The following CCDC50 variants were observed in gnomAD, a reference collection of about 807,000 sequenced individuals.
CCDC50 encodes coiled-coil domain containing 50, also known as coiled-coil domain-containing protein 50.
CCDC50 carries 54 observed loss-of-function variants against 70.2 expected under a neutral mutation model. The ratio of observed to expected loss-of-function variants is 0.77; its 90% CI spans 0.62 to 0.96. The LOEUF (loss-of-function observed/expected upper bound fraction) is 0.96, where lower values mean the gene tolerates loss of function less well. Ranked by LOEUF, CCDC50 falls within the 50% of genes least tolerant of loss-of-function variation. The pLI is 0.00. For missense variants in CCDC50, 558 were observed against 578.7 expected (o/e 0.96, Z 0.37); for synonymous variants, 216 against 198.8 (o/e 1.09, Z -0.73).
Position 191,393,914 on chromosome 3 carries a change from A to T in CCDC50, c.*2154A>T, listed in dbSNP as rs1713777063. On this transcript the variant is annotated 3_prime_UTR_variant, in exon 12 of 12. Coordinates refer to ENST00000392455, the MANE Select transcript of CCDC50 (RefSeq NM_178335.3). The stretch of plus-strand genomic sequence containing the variant: ...TTTTATTTGATAACTAGGCAAAATC[A>T]TTTGCCATTTTTTATTTCATAAATA... 1 of 152,188 alleles carries T rather than the reference A, an allele frequency of 6.6e-6. No homozygotes were observed. The highest frequency in any genetic ancestry group is 1.5e-5 in the Non-Finnish European group (1 of 68,038). 9.4% of individuals were successfully genotyped at this position (152,188 alleles called of 1,614,324 possible).
chr3:191,389,039 A>G (rs902254677), intron 10 of CCDC50, among the ~76,000 whole-genome samples: 1 of 151,798 alleles, frequency 6.6e-6, no homozygotes, highest in African/African-American at 2.4e-5. Flanking sequence ...TGCTCATGAA[A>G]TTTTGTTTCT....
At chr3:191,343,827 T>C (rs1447673478) in intron 1 of CCDC50, among the ~76,000 whole-genome samples, 1 of 152,254 alleles carries the variant, frequency 6.6e-6, no homozygotes, top group Non-Finnish European at 1.5e-5. Context: ...TCAGTACCAG[T>C]TGTATTTCAA....
chr3:191,375,997 A>C (rs1270452392), intron 6 of CCDC50, among the ~76,000 whole-genome samples: 1 of 151,906 alleles, frequency 6.6e-6, no homozygotes, highest in Non-Finnish European at 1.5e-5. Context: ...TCTAACTAAA[A>C]GGCCGATAGA....
At chr3:191,382,268 A>G (rs546092056) in intron 9 of CCDC50, among the ~76,000 whole-genome samples, 1 of 152,158 alleles carries the variant, frequency 6.6e-6, no homozygotes, top group Admixed American at 6.5e-5. Context: ...TCTCTTGGAA[A>G]AGTTGACTTG....
chr3:191,396,687 AT>A lies in CCDC50; in HGVS notation c.*4930del, dbSNP rs1171306329. On this transcript the variant is annotated 3_prime_UTR_variant, in exon 12 of 12. Coordinates refer to ENST00000392455, the MANE Select transcript of CCDC50 (RefSeq NM_178335.3). ...GGAGAAAACCGAACAAAACAGAGACATTTACTTGAAATGGGAGGTTTGCTAA... is the reference window on the plus strand; with the variant it reads ...GGAGAAAACCGAACAAAACAGAGACATTACTTGAAATGGGAGGTTTGCTAA... The A allele has an allele frequency of 6.6e-6, 1 of 152,348 alleles. No homozygotes were observed. The highest frequency in any genetic ancestry group is 2.4e-5 in the African/African-American group (1 of 41,586). The allele number at this position is 152,348 out of a possible 1,614,324, so 9.4% of individuals were successfully genotyped here.
chr3:191,329,701 C>T lies in CCDC50; in HGVS notation c.27C>T (p.Ser9=). 6.2e-7 allele frequency: 1 copy of T among 1,610,838 alleles called. No individual in the cohort carries two copies. The highest frequency in any genetic ancestry group is 1.3e-5 in the African/African-American group (1 of 74,984). Residue 9 remains serine, a synonymous_variant, in exon 1 of 12, where the codon TCC becomes TCT. Transcript: ENST00000392455. The part of the protein sequence containing the change: MAEVSIDQ[S]KLPGVKEVCR... Reference sequence around the variant, plus strand: ...TGGCTGAAGTCAGCATCGACCAGTCCAAGCTGCCTGGAGTCAAGGAAGGTA... The same window carrying T: ...TGGCTGAAGTCAGCATCGACCAGTCTAAGCTGCCTGGAGTCAAGGAAGGTA...
chr3:191,353,486 T>G (rs573911596), intron 1 of CCDC50, among the ~76,000 whole-genome samples: 1 of 141,014 alleles, frequency 7.1e-6, no homozygotes, highest in South Asian at 2.3e-4. Flanking sequence ...TTATCCTCAG[T>G]AGGCTGTTTA....
At chr3:191,331,919 T>C (rs1718001490) in intron 1 of CCDC50, among the ~76,000 whole-genome samples, 1 of 152,202 alleles carries the variant, frequency 6.6e-6, no homozygotes, top group Non-Finnish European at 1.5e-5. Context: ...AGTAATTAGT[T>C]TAATATTCTG....
rs929213744 is a variant in CCDC50, at chr3:191,335,753, G to C, written c.49+6030G>C. Among the ~76,000 whole-genome samples the C allele has an allele frequency of 5.3e-5, 8 of 152,224 alleles. No homozygotes were observed. The East Asian group carries it at 5.8e-4, about 11-fold the overall frequency. On this transcript the variant is annotated intron_variant, in intron 1 of 11. Coordinates refer to ENST00000392455, the MANE Select transcript of CCDC50 (RefSeq NM_178335.3). Reference sequence around the variant, plus strand: ...TATTACCGGTCTTGTTTATTTATCAGTGGTTCTTTCCTTTTTCTTTGTCGT... The same window carrying C: ...TATTACCGGTCTTGTTTATTTATCACTGGTTCTTTCCTTTTTCTTTGTCGT...
chr3:191,331,039 A>G (rs943507250), intron 1 of CCDC50, among the ~76,000 whole-genome samples: 4 of 152,216 alleles, frequency 2.6e-5, no homozygotes, highest in Non-Finnish European at 2.9e-5. Flanking sequence ...TGTCAAGACT[A>G]AGGAGGCTGA....
chr3:191,337,879 A>G (rs1379908314), intron 1 of CCDC50, among the ~76,000 whole-genome samples: 1 of 151,832 alleles, frequency 6.6e-6, no homozygotes, highest in East Asian at 1.9e-4. Context: ...TATTACAGAT[A>G]TTTGTGTGAA....
chr3:191,355,486 G>A (rs1313817288), intron 1 of CCDC50, among the ~76,000 whole-genome samples: 1 of 152,310 alleles, frequency 6.6e-6, no homozygotes, highest in East Asian at 1.9e-4. Flanking sequence ...GGCCATCATT[G>A]TGTCAGGGAA....
chr3:191,366,488 A>G (rs1002356857), intron 4 of CCDC50, among the ~76,000 whole-genome samples: 1 of 152,156 alleles, frequency 6.6e-6, no homozygotes, highest in Non-Finnish European at 1.5e-5. Flanking sequence ...TTGTTTTTAC[A>G]TATTAGCCCA....
At chr3:191,383,395 T>C (rs990691189) in intron 10 of CCDC50, among the ~76,000 whole-genome samples, 2 of 151,970 alleles carry the variant, frequency 1.3e-5, no homozygotes, top group Non-Finnish European at 2.9e-5. Flanking sequence ...GTTGTCAACA[T>C]TTAAGTCTCT....
In CCDC50 at chr3:191,329,662, AC is replaced by A; in HGVS notation, c.-10del. On this transcript the variant is annotated 5_prime_UTR_variant, in exon 1 of 12. Transcript: ENST00000392455. ...AGCCCGCGTTAAAGGGGCAACCGGG[AC>A]CCTGGCCCGGTATGGCTGAAGTCAG... 1 of 1,607,052 alleles carries A rather than the reference AC, an allele frequency of 6.2e-7. No homozygotes were observed. The highest frequency in any genetic ancestry group is 1.7e-5 in the Admixed American group (1 of 59,308).
chr3:191,331,137 T>G (rs1190807011), intron 1 of CCDC50, among the ~76,000 whole-genome samples: 1 of 152,172 alleles, frequency 6.6e-6, no homozygotes, highest in East Asian at 1.9e-4. Context: ...GAGGGTTTTT[T>G]GTGTGGGTAT....
At chr3:191,340,067 AT>A (rs1193744843) in intron 1 of CCDC50, among the ~76,000 whole-genome samples, 7 of 152,210 alleles carry the variant, frequency 4.6e-5, no homozygotes, top group Non-Finnish European at 8.8e-5. Flanking sequence ...CAAAAGACAA[AT>A]GTCTATCACT....
chr3:191,362,209 G>T (rs564862244), intron 4 of CCDC50, among the ~76,000 whole-genome samples: 1 of 152,000 alleles, frequency 6.6e-6, no homozygotes, highest in African/African-American at 2.4e-5. Context: ...TGCAATCTCC[G>T]CCTCCCAGGC....
intron 4 of CCDC50, among the ~76,000 whole-genome samples, chr3:191,364,833 T>C (rs921772978): frequency 3.9e-5 from 6 of 152,050 alleles, no homozygotes; most frequent in African/African-American, 1.2e-4. Context: ...CTCCCTTCAT[T>C]CCTCTTCTTC....
Sources: allele counts gnomAD v4.1 joint callset (sites outside exome capture counted in the v4.1 genomes callset), GRCh38; gene constraint gnomAD v4.1.1; transcripts MANE v1.5; gene names NCBI Gene and HGNC (gene_info 2026-07-23, HGNC 2026-07-21).